The following TRIM62 variants were observed in gnomAD, a reference collection of about 807,000 sequenced individuals.
TRIM62 encodes E3 ubiquitin-protein ligase TRIM62.
Under a neutral mutation model 44.2 loss-of-function variants are expected in TRIM62, and 39 were observed. The ratio of observed to expected loss-of-function variants is 0.88; its 90% CI spans 0.68 to 1.15. TRIM62 has a LOEUF of 1.15. Ranked by LOEUF, TRIM62 falls within the 50% of genes most tolerant of loss-of-function variation. The pLI is 0.00. For synonymous variants in TRIM62, 278 were observed against 292.3 expected, an observed-to-expected ratio of 0.95 and a Z score of 0.50; for missense variants, 544 against 665.5, an observed-to-expected ratio of 0.82 and a Z score of 2.01.
chr1:33,168,782 G>A (rs1031131164), intron 1 of TRIM62, among the ~76,000 whole-genome samples: 1 of 151,732 alleles, frequency 6.6e-6, no homozygotes, highest in East Asian at 1.9e-4. Context: ...CTGGGACACA[G>A]TGTGGCTGAG....
chr1:33,164,860 C>G (rs898799722), intron 2 of TRIM62: 2 of 152,168 alleles, frequency 1.3e-5, no homozygotes, highest in African/African-American at 4.8e-5. Flanking sequence ...CCTACTGCAG[C>G]CTCAAACTCC....
intron 1 of TRIM62, among the ~76,000 whole-genome samples, chr1:33,170,459 G>A (rs1202316864): frequency 6.6e-6 from 1 of 152,030 alleles, no homozygotes; most frequent in Non-Finnish European, 1.5e-5. Flanking sequence ...TGTGGAAAGG[G>A]GAGATTTTCA....
At chr1:33,152,919 G>T (rs945243045) in intron 4 of TRIM62, among the ~76,000 whole-genome samples, 3 of 152,144 alleles carry the variant, frequency 2.0e-5, no homozygotes, top group African/African-American at 7.2e-5. Context: ...TTGGGACAAT[G>T]GGCTGCCTGG....
chr1:33,170,166 C>T (rs940261796), intron 1 of TRIM62, among the ~76,000 whole-genome samples: 1 of 152,070 alleles, frequency 6.6e-6, no homozygotes, highest in Non-Finnish European at 1.5e-5. Flanking sequence ...CCCGTCTCTA[C>T]TAAAAATACA....
chr1:33,150,999 CAGA>C (rs1220976218), intron 4 of TRIM62, among the ~76,000 whole-genome samples: 1 of 152,100 alleles, frequency 6.6e-6, no homozygotes, highest in African/African-American at 2.4e-5. Flanking sequence ...AGGCTCAGGG[CAGA>C]AGGACTGGTG....
intron 1 of TRIM62, among the ~76,000 whole-genome samples, chr1:33,168,149 C>G (rs1004096502): frequency 6.6e-6 from 1 of 152,134 alleles, no homozygotes; most frequent in African/African-American, 2.4e-5. Flanking sequence ...GAGGAGCCAG[C>G]CATGAAAATG....
At position 33,165,071 on chromosome 1, in the gene TRIM62, T is replaced by A. The variant is rs1167314994; in HGVS notation, c.504+400A>T. The A allele has an allele frequency of 6.3e-6, 1 of 159,152 alleles. No individual in the cohort carries two copies. 9.9% of individuals were successfully genotyped at this position (159,152 alleles called of 1,614,324 possible). ...CCTCTGAAGAGACTGGGACTACAAGTGTGTGTCACAACACCAGGGTTGGGC... is the reference window on the plus strand; with the variant it reads ...CCTCTGAAGAGACTGGGACTACAAGAGTGTGTCACAACACCAGGGTTGGGC... On this transcript the variant is annotated intron_variant, in intron 2 of 4. Transcript: ENST00000291416. This position sits in a 1 kb window ranked among gnomAD's most constrained non-coding sequence, Gnocchi z 4.0.
intron 4 of TRIM62, among the ~76,000 whole-genome samples, chr1:33,152,686 A>C (rs1489653773): frequency 6.6e-6 from 1 of 152,212 alleles, no homozygotes; most frequent in Non-Finnish European, 1.5e-5. Flanking sequence ...ATTACAAACA[A>C]ATAATTTAAT....
intron 4 of TRIM62, among the ~76,000 whole-genome samples, chr1:33,152,260 A>G (rs1645109913): frequency 6.6e-6 from 1 of 152,158 alleles, no homozygotes; most frequent in Non-Finnish European, 1.5e-5. Context: ...TGGCCCCAGA[A>G]AGCCTGTTCA....
At chr1:33,176,849 G>T (rs1409095305) in intron 1 of TRIM62, among the ~76,000 whole-genome samples, 2 of 152,338 alleles carry the variant, frequency 1.3e-5, no homozygotes, top group East Asian at 3.9e-4. Flanking sequence ...CCCACAGGGT[G>T]CTATGAAGAT....
intron 1 of TRIM62, chr1:33,176,334 T>C (rs945409306): frequency 1.1e-5 from 7 of 633,820 alleles, no homozygotes; most frequent in Non-Finnish European, 1.8e-5. Flanking sequence ...GAGCCGAAAT[T>C]TGAACCTAGC....
intron 4 of TRIM62, among the ~76,000 whole-genome samples, chr1:33,155,298 C>A (rs1478258773): frequency 6.6e-6 from 1 of 151,964 alleles, no homozygotes; most frequent in Non-Finnish European, 1.5e-5. Context: ...TCTCGAACTC[C>A]TGACCTCAAG....
intron 1 of TRIM62, among the ~76,000 whole-genome samples, chr1:33,172,639 T>C (rs1269534287): frequency 1.3e-5 from 2 of 152,158 alleles, no homozygotes; most frequent in African/African-American, 4.8e-5. Context: ...CACACAGTTA[T>C]GCAAATATGC....
chr1:33,149,677 A>G (rs1162702257), intron 4 of TRIM62, among the ~76,000 whole-genome samples: 1 of 151,858 alleles, frequency 6.6e-6, no homozygotes, highest in Non-Finnish European at 1.5e-5. Flanking sequence ...CTGGTCTCGA[A>G]CTCCTGGCCT....
At chr1:33,163,682 A>G (rs1303530746) in intron 2 of TRIM62, 4 of 152,096 alleles carry the variant, frequency 2.6e-5, no homozygotes, top group African/African-American at 9.7e-5. Flanking sequence ...AGAATGCATC[A>G]CCCCGCCAGG....
In TRIM62 at chr1:33,181,469, A is replaced by G. The variant is rs1557765739; in HGVS notation, c.-37T>C. ...CAGCAGAGAGGGGGGCCCGAGGGGC[A>G]GGGGGGCGGCTGAGAGAGCGCGGCG... On this transcript the variant is annotated 5_prime_UTR_variant, in exon 1 of 5. Transcript: ENST00000291416. This position sits in a 1 kb window ranked among gnomAD's most constrained non-coding sequence, Gnocchi z 6.5. 2 of 1,546,792 alleles carry G rather than the reference A, an allele frequency of 1.3e-6. No individual in the cohort carries two copies. The highest frequency in any genetic ancestry group is 1.4e-5 in the African/African-American group (1 of 72,366).
intron 1 of TRIM62, among the ~76,000 whole-genome samples, chr1:33,180,156 C>T (rs2147993144): frequency 6.6e-6 from 1 of 152,250 alleles, no homozygotes; most frequent in East Asian, 1.9e-4. Flanking sequence ...GGTCACTCTG[C>T]ATGTACCGTT....
At chr1:33,150,139 G>C (rs1645076565) in intron 4 of TRIM62, among the ~76,000 whole-genome samples, 1 of 152,250 alleles carries the variant, frequency 6.6e-6, no homozygotes, top group Non-Finnish European at 1.5e-5. Context: ...GCTTTCCTTA[G>C]CCTGAATGAC....
chr1:33,170,353 T>C (rs751905162), intron 1 of TRIM62, among the ~76,000 whole-genome samples: 1 of 151,338 alleles, frequency 6.6e-6, no homozygotes, highest in Non-Finnish European at 1.5e-5. Context: ...TACTAGATTG[T>C]ACATTCCAGC....
Sources: gnomAD v4.1 joint callset for allele counts (sites outside exome capture counted in the v4.1 genomes callset) on GRCh38, gnomAD v4.1.1 for gene constraint, Gnocchi (gnomAD v3.1) non-coding constraint, MANE v1.5 for transcripts, NCBI Gene and HGNC (gene_info 2026-07-23, HGNC 2026-07-21) for gene names.